Variants in OGDH observed in about 807,000 individuals in gnomAD.
OGDH encodes the protein 2-oxoglutarate dehydrogenase complex component E1.
Under a neutral mutation model 116.6 loss-of-function variants are expected in OGDH, and 38 were observed. The observed-to-expected ratio is 0.33, with a 90% CI of 0.25 to 0.43. The LOEUF is 0.43. Among genes scored for constraint, OGDH ranks in the 20% least tolerant of loss-of-function variants. The pLI is 1.00. For missense variants in OGDH, 825 were observed against 1,357.2 expected (o/e 0.61, Z 6.16); for synonymous variants, 488 against 533.3 (o/e 0.92, Z 1.17).
At chr7:44,646,782 A>G (rs968467905) in intron 3 of OGDH, among the ~76,000 whole-genome samples, 2 of 152,064 alleles carry the variant, frequency 1.3e-5, no homozygotes, top group South Asian at 2.1e-4. Flanking sequence ...TGTTCTGACT[A>G]CTGTGTGCTG....
At chr7:44,656,134 A>G (rs1289593308) in intron 4 of OGDH, among the ~76,000 whole-genome samples, 1 of 151,310 alleles carries the variant, frequency 6.6e-6, no homozygotes, top group East Asian at 1.9e-4. Flanking sequence ...AATAAAATTG[A>G]CCCCCTGACC....
At chr7:44,672,321 C>A (rs1787498075) in intron 5 of OGDH, among the ~76,000 whole-genome samples, 1 of 152,136 alleles carries the variant, frequency 6.6e-6, no homozygotes, top group Non-Finnish European at 1.5e-5. Context: ...TCAGCACATC[C>A]TTTAACTGCT....
chr7:44,703,333 G>A (rs772202117), intron 20 of OGDH, among the ~76,000 whole-genome samples: 6 of 152,046 alleles, frequency 3.9e-5, no homozygotes, highest in African/African-American at 9.7e-5. Flanking sequence ...GCTTGAACCC[G>A]GGAGGCAGAG....
rs964695116 is a variant in OGDH, at chr7:44,707,503, G to A, written c.2797-79G>A. ...CTCAGGTTCCTGACCTTCCCTGCTC[G>A]GAACACCAGTTTCCCTTTGCTGGAT... On this transcript the variant is annotated intron_variant, in intron 21 of 22. Transcript: ENST00000222673. The surrounding 1 kb of genome is among the most constrained non-coding windows in gnomAD (Gnocchi z 5.2). 1.6e-5 allele frequency: 25 copies of A among 1,597,270 alleles called. No individual in the cohort carries two copies. Among genetic ancestry groups the A allele is most frequent in the Middle Eastern group, 1.7e-4 (1 of 5,996 alleles).
At chr7:44,701,726 T>G in intron 20 of OGDH, 111 bp downstream of exon 20, 1 of 1,108,276 alleles carries the variant, frequency 9.0e-7, no homozygotes, top group Non-Finnish European at 1.3e-6. Context: ...CACTGGCTCT[T>G]GCCAGATTTT....
intron 10 of OGDH, among the ~76,000 whole-genome samples, chr7:44,689,656 G>A (rs1345528988): frequency 6.6e-6 from 1 of 152,000 alleles, no homozygotes; most frequent in Non-Finnish European, 1.5e-5. Context: ...TTTCCCTAAT[G>A]ACTAATGATG....
At chr7:44,620,241 G>C (rs528967415) in intron 1 of OGDH, among the ~76,000 whole-genome samples, 2 of 152,318 alleles carry the variant, frequency 1.3e-5, no homozygotes, top group South Asian at 4.1e-4. Context: ...GGCTGGTCTC[G>C]AACCCCTGAC....
intron 5 of OGDH, among the ~76,000 whole-genome samples, chr7:44,668,092 T>C (rs1433656238): frequency 6.6e-6 from 1 of 152,172 alleles, no homozygotes; most frequent in African/African-American, 2.4e-5. Flanking sequence ...TGAATTTTAA[T>C]TTAAAACTCT....
rs1364952723 is a variant in OGDH, at chr7:44,656,402, G to A, written c.517+8643G>A. On this transcript the variant is annotated intron_variant, in intron 4 of 22. Transcript: ENST00000222673. ...AGCTTTTCACCTTTTCAGAGTTGAGGACTTCATTTGAATAGGATGTGCAAC... is the reference window on the plus strand; with the variant it reads ...AGCTTTTCACCTTTTCAGAGTTGAGAACTTCATTTGAATAGGATGTGCAAC... 6 of 1,520,762 alleles carry A rather than the reference G, an allele frequency of 3.9e-6. No individual in the cohort carries two copies. The Admixed American group carries it at 7.9e-5, about 20-fold the overall frequency. The allele number at this position is 1,520,762 out of a possible 1,614,324, so 94.2% of individuals were successfully genotyped here.
chr7:44,707,679 A>G lies in OGDH; in HGVS notation c.2894A>G (p.Tyr965Cys). ...CAGGAGGAGCACAAGAACCAAGGCT[A>G]CTATGACTACGTGAAGCCAAGACTT... ...WCQEEHKNQGYYDYVKPRLRT... is the reference protein window; with the variant it reads ...WCQEEHKNQGCYDYVKPRLRT... Residue 965 changes from tyrosine (Y) to cysteine (C), a missense_variant, in exon 22 of 23, where the codon TAC becomes TGC. Transcript: ENST00000222673. This position sits in a 1 kb window ranked among gnomAD's most constrained non-coding sequence, Gnocchi z 5.2. The G allele has an allele frequency of 6.2e-7, 1 of 1,614,220 alleles. No homozygotes were observed. The highest frequency in any genetic ancestry group is 8.5e-7 in the Non-Finnish European group (1 of 1,180,034).
chr7:44,639,556 T>C (rs1050528831), intron 2 of OGDH, among the ~76,000 whole-genome samples: 1 of 152,236 alleles, frequency 6.6e-6, no homozygotes, highest in African/African-American at 2.4e-5. Context: ...AAAATTCACT[T>C]GTTTTAAGTG....
Position 44,693,367 on chromosome 7 carries a change from G to C in OGDH, c.1336-458G>C, listed in dbSNP as rs1029330874. Among the ~76,000 whole-genome samples, 3 of 151,822 alleles carry C rather than the reference G, an allele frequency of 2.0e-5. No individual in the cohort carries two copies. The South Asian group carries it at 6.2e-4, about 32-fold the overall frequency. ...CCTCACTCCTATAATAACACTTCGG[G>C]AAGCCGAGACAGGAGGATTACTTAG... is the stretch of plus-strand genomic sequence containing the variant. On this transcript the variant is annotated intron_variant, in intron 10 of 22. Transcript: ENST00000222673.
At chr7:44,698,631 G>T (rs1300118755) in intron 18 of OGDH, among the ~76,000 whole-genome samples, 1 of 152,030 alleles carries the variant, frequency 6.6e-6, no homozygotes, top group Non-Finnish European at 1.5e-5. Context: ...GAAACTTTAA[G>T]AACTCAAAGA....
intron 2 of OGDH, among the ~76,000 whole-genome samples, chr7:44,638,702 G>A (rs1386637161): frequency 1.3e-5 from 2 of 152,204 alleles, no homozygotes; most frequent in African/African-American, 2.4e-5. Flanking sequence ...AGCTGAGGTC[G>A]CCTGACTCAG....
intron 10 of OGDH, among the ~76,000 whole-genome samples, chr7:44,682,924 G>A (rs773261752): frequency 7.2e-5 from 11 of 152,034 alleles, no homozygotes; most frequent in East Asian, 5.8e-4. Context: ...CGAGGCAGAC[G>A]GATCATGAGG....
At chr7:44,665,598 C>T (rs1787151252) in intron 4 of OGDH, among the ~76,000 whole-genome samples, 1 of 152,142 alleles carries the variant, frequency 6.6e-6, no homozygotes, top group Non-Finnish European at 1.5e-5. Flanking sequence ...CACCGTTAAT[C>T]CCGTGCTGGA....
intron 5 of OGDH, among the ~76,000 whole-genome samples, chr7:44,670,649 C>T (rs1266406375): frequency 6.6e-6 from 1 of 152,074 alleles, no homozygotes; most frequent in Non-Finnish European, 1.5e-5. Context: ...CCAACTACAC[C>T]CTCTTCTTGT....
chr7:44,670,792 C>T lies in OGDH; in HGVS notation c.634-2995C>T, dbSNP rs542761358. On this transcript the variant is annotated intron_variant, in intron 5 of 22. Transcript: ENST00000222673. ...TTGGGAGGCCAAGGCGGGCGAATCA[C>T]GAGGTCAGGAGATCGAGACCATCCT... 2.4e-3 allele frequency among the ~76,000 whole-genome samples: 358 copies of T among 152,094 alleles called. 5 individuals carry two copies. The highest frequency in any genetic ancestry group is 7.7e-3 in the African/African-American group (318 of 41,504).
chr7:44,681,824 C>T lies in OGDH; in HGVS notation c.1311C>T (p.Thr437=), dbSNP rs548590149. The change falls in exon 10 of 23, where the codon ACC becomes ACT. Residue 437 remains threonine, a synonymous_variant. Coordinates refer to ENST00000222673, the MANE Select transcript of OGDH (RefSeq NM_002541.4). ...TGCCATCCTACACAACTCATGGCAC[C>T]GTGCACGTGGTCGTCAACAACCAGG... ...SDLPSYTTHG[T]VHVVVNNQIG... is the part of the protein sequence containing the mutation. 15 of 1,614,178 alleles carry T rather than the reference C, an allele frequency of 9.3e-6. No individual in the cohort carries two copies. The highest frequency in any genetic ancestry group is 6.7e-5 in the East Asian group (3 of 44,872).
Sources: allele counts gnomAD v4.1 joint callset (sites outside exome capture counted in the v4.1 genomes callset), GRCh38; gene constraint gnomAD v4.1.1; non-coding constraint Gnocchi (gnomAD v3.1); transcripts MANE v1.5; gene names NCBI Gene and HGNC (gene_info 2026-07-23, HGNC 2026-07-21).